Variants in SCN11A observed in about 807,000 individuals in gnomAD.
SCN11A encodes sodium channel protein type 11 subunit alpha.
Under a neutral mutation model 162.2 loss-of-function variants are expected in SCN11A, and 122 were observed. The observed-to-expected ratio is 0.75, with a 90% confidence interval of 0.65 to 0.87. The LOEUF (loss-of-function observed/expected upper bound fraction) is 0.87. SCN11A is among the 40% of genes least tolerant of loss of function. The pLI is 0.00. For missense variants in SCN11A, 2,015 were observed against 2,181.6 expected, an observed-to-expected ratio of 0.92 and a Z score of 1.52; for synonymous variants, 758 against 751.5, an observed-to-expected ratio of 1.01 and a Z score of -0.14.
intron 7 of SCN11A, among the ~76,000 whole-genome samples, chr3:38,929,753 A>C (rs2066211995): frequency 6.6e-6 from 1 of 152,170 alleles, no homozygotes; most frequent in African/African-American, 2.4e-5. Flanking sequence ...GTGATGTATT[A>C]ATGCCAATAT....
chr3:39,050,898 A>C (rs1236770130), intron 1 of SCN11A, among the ~76,000 whole-genome samples: 1 of 152,208 alleles, frequency 6.6e-6, no homozygotes, highest in Non-Finnish European at 1.5e-5. Flanking sequence ...ACAAATGACT[A>C]GCAGATACAT....
At chr3:38,933,390 T>C (rs942859936) in intron 7 of SCN11A, among the ~76,000 whole-genome samples, 1 of 151,912 alleles carries the variant, frequency 6.6e-6, no homozygotes, top group Non-Finnish European at 1.5e-5. Context: ...CTTTGACGAG[T>C]TGAGAGAAGA....
At chr3:38,890,780 G>A (rs1464000283) in intron 19 of SCN11A, among the ~76,000 whole-genome samples, 1 of 152,210 alleles carries the variant, frequency 6.6e-6, no homozygotes, top group Non-Finnish European at 1.5e-5. Flanking sequence ...CACTGACCGT[G>A]TGCACATCCA....
At chr3:39,034,701 G>A (rs1179122816) in intron 1 of SCN11A, among the ~76,000 whole-genome samples, 1 of 152,108 alleles carries the variant, frequency 6.6e-6, no homozygotes, top group African/African-American at 2.4e-5. Flanking sequence ...ATCTTACATT[G>A]GGAAAAACTT....
chr3:38,982,467 T>C (rs1426310087), intron 2 of SCN11A, among the ~76,000 whole-genome samples: 15 of 152,134 alleles, frequency 9.9e-5, no homozygotes, highest in Admixed American at 9.2e-4. Context: ...GCCCCTGACT[T>C]AAATGGAAAG....
chr3:38,935,966 C>T (rs1347820851), intron 7 of SCN11A, among the ~76,000 whole-genome samples: 1 of 152,158 alleles, frequency 6.6e-6, no homozygotes, highest in African/African-American at 2.4e-5. Flanking sequence ...TGCAAAAATC[C>T]TCAATAAAAT....
At chr3:38,979,929 C>T (rs2029954577) in intron 2 of SCN11A, among the ~76,000 whole-genome samples, 1 of 152,220 alleles carries the variant, frequency 6.6e-6, no homozygotes, top group Non-Finnish European at 1.5e-5. Flanking sequence ...GCAGACCCCA[C>T]CCTGCCCATT....
In SCN11A at chr3:38,850,686, A is replaced by C; in HGVS notation, c.4122T>G (p.Ser1374Arg). 6.2e-7 allele frequency: 1 copy of C among 1,613,426 alleles called. No individual in the cohort carries two copies. Among genetic ancestry groups the C allele is most frequent in the Non-Finnish European group, 8.5e-7 (1 of 1,179,438 alleles). The change falls in exon 29 of 30, where the codon AGT becomes AGG. Residue 1374 changes from serine to arginine, a missense_variant. Transcript: ENST00000302328. ...TSQIFDIIII[S>R]LIILNMISMM... is the part of the protein sequence containing the mutation. ...TGCTAATCATGTTTAGGATAATGAG[A>C]CTTATGATGATGATGTCAAAGATCT...
chr3:38,912,994 C>T (rs1298511578), intron 11 of SCN11A, among the ~76,000 whole-genome samples: 2 of 152,126 alleles, frequency 1.3e-5, no homozygotes, highest in Non-Finnish European at 2.9e-5. Context: ...GGTACCTACC[C>T]AGTAATGCGA....
intron 18 of SCN11A, among the ~76,000 whole-genome samples, chr3:38,896,401 T>C (rs1458111873): frequency 6.6e-6 from 1 of 152,222 alleles, no homozygotes; most frequent in African/African-American, 2.4e-5. Context: ...TCTAAGCTCA[T>C]GATCTGGCTT....
intron 11 of SCN11A, among the ~76,000 whole-genome samples, chr3:38,916,081 T>C (rs1306003445): frequency 6.6e-6 from 1 of 152,234 alleles, no homozygotes; most frequent in African/African-American, 2.4e-5. Context: ...ATTTTTTATC[T>C]TTGTTGGTTT....
At chr3:38,963,366 TATATATATATATATATATATGATGGAG>T (rs1412995149) in intron 2 of SCN11A, among the ~76,000 whole-genome samples, 206 of 89,186 alleles carry the variant, frequency 2.3e-3, no homozygotes, top group African/African-American at 3.9e-3. Context: ...TATATATATA[TATATATATATATATATATATGATGGAG>T]ATATATATAT....
At chr3:38,995,051 G>A (rs963505786) in intron 2 of SCN11A, among the ~76,000 whole-genome samples, 6 of 152,086 alleles carry the variant, frequency 3.9e-5, no homozygotes, top group African/African-American at 1.4e-4. Flanking sequence ...AGCTTGACAG[G>A]AAAGGGTAGA....
At chr3:38,874,766 G>C (rs973064754) in intron 23 of SCN11A, among the ~76,000 whole-genome samples, 1 of 152,142 alleles carries the variant, frequency 6.6e-6, no homozygotes, top group South Asian at 2.1e-4. Context: ...GAATCTGTAG[G>C]AAATTTGTAT....
At chr3:38,869,734 C>T (rs2065095399) in intron 26 of SCN11A, among the ~76,000 whole-genome samples, 3 of 152,142 alleles carry the variant, frequency 2.0e-5, no homozygotes, top group African/African-American at 7.2e-5. Flanking sequence ...CTCAAGTGCT[C>T]CAAAATCTGA....
In SCN11A at chr3:38,864,119, G is replaced by A. The variant is rs1384333350; in HGVS notation, c.3952-820C>T. Among the ~76,000 whole-genome samples the A allele has an allele frequency of 2.6e-5, 4 of 152,124 alleles. 1 individual carries two copies. Among genetic ancestry groups the A allele is most frequent in the African/African-American group, 4.8e-5 (2 of 41,448 alleles). ...TTGCAAGAATATGGGACTATCCAAA[G>A]GTGGCCAACAGAAGGGTAAAGAAAA... On this transcript the variant is annotated intron_variant, in intron 27 of 29. Coordinates refer to ENST00000302328, the MANE Select transcript of SCN11A (RefSeq NM_001349253.2).
chr3:39,001,898 G>A (rs556438983), intron 2 of SCN11A, among the ~76,000 whole-genome samples: 4 of 152,032 alleles, frequency 2.6e-5, no homozygotes, highest in South Asian at 2.1e-4. Flanking sequence ...TTAGCTGGGC[G>A]TGGTGGCGGG....
chr3:38,880,663 T>C (rs1440842992), intron 22 of SCN11A, among the ~76,000 whole-genome samples: 1 of 152,218 alleles, frequency 6.6e-6, no homozygotes, highest in Non-Finnish European at 1.5e-5. Context: ...CTACAAATAG[T>C]GTCATTTCTT....
intron 15 of SCN11A, among the ~76,000 whole-genome samples, 196 bp from the exon 16 acceptor site, chr3:38,904,299 AG>A (rs1456026886): frequency 6.6e-6 from 1 of 152,190 alleles, no homozygotes; most frequent in Non-Finnish European, 1.5e-5. Flanking sequence ...ACATACAACT[AG>A]CATGCGGTAC....
Sources: gnomAD v4.1 joint callset for allele counts (sites outside exome capture counted in the v4.1 genomes callset) on GRCh38, gnomAD v4.1.1 for gene constraint, MANE v1.5 for transcripts, NCBI Gene and HGNC (gene_info 2026-07-23, HGNC 2026-07-21) for gene names.